The following PCDHGA3 variants were observed in gnomAD, a reference collection of about 807,000 sequenced individuals.
PCDHGA3 encodes the protein protocadherin gamma-A3.
A neutral mutation model predicts 58.5 loss-of-function variants in PCDHGA3; 40 were observed. The observed-to-expected ratio is 0.68, with a 90% CI of 0.53 to 0.89. The LOEUF is 0.89. Among genes scored for constraint, PCDHGA3 ranks in the 40% least tolerant of loss-of-function variants. The pLI is 0.00. For missense variants in PCDHGA3, 1,223 were observed against 1,195.9 expected (o/e 1.02, Z -0.33); for synonymous variants, 530 against 525.7 (o/e 1.01, Z -0.11).
chr5:141,365,266 C>A, intron 1 of PCDHGA3: 2 of 1,613,938 alleles, frequency 1.2e-6, no homozygotes, highest in African/African-American at 2.7e-5. Context: ...ATGAAGAATC[C>A]AGATTCTACC....
chr5:141,364,757 A>G, intron 1 of PCDHGA3: 4 of 1,613,960 alleles, frequency 2.5e-6, no homozygotes, highest in Non-Finnish European at 3.4e-6. Flanking sequence ...AGTAAAAGTT[A>G]ATGAAAATGC....
chr5:141,399,078 G>C (rs2093750242), intron 1 of PCDHGA3: 1 of 1,613,746 alleles, frequency 6.2e-7, no homozygotes, highest in African/African-American at 1.3e-5. Context: ...TTGTAGAAGG[G>C]AGGGATGGTG....
chr5:141,404,001 C>T, intron 1 of PCDHGA3: 8 of 1,613,870 alleles, frequency 5.0e-6, no homozygotes, highest in South Asian at 1.1e-5. Context: ...GTGACCATTA[C>T]ATCTCTGTTT....
chr5:141,478,607 A>T (rs892000536), intron 1 of PCDHGA3: 1 of 1,560,800 alleles, frequency 6.4e-7, no homozygotes, highest in Non-Finnish European at 8.7e-7. Context: ...CATCATATTG[A>T]GGAAGGAATG....
rs568542355 is a variant in PCDHGA3, at chr5:141,431,678, T to C, written c.2425-63129T>C. 4 of 1,614,084 alleles carry C rather than the reference T, an allele frequency of 2.5e-6. No individual in the cohort carries two copies. Among genetic ancestry groups the C allele is most frequent in the African/African-American group, 2.7e-5 (2 of 75,012 alleles). ...AGGGACAATATCAACAATAGGGGAG[T>C]TGGACCACGAGGAGTCAGGATTCTA... On this transcript the variant is annotated intron_variant, in intron 1 of 3. Transcript: ENST00000253812. The surrounding 1 kb of genome is among the most constrained non-coding windows in gnomAD (Gnocchi z 4.8).
intron 1 of PCDHGA3, chr5:141,423,461 A>G (rs1590478217): frequency 6.2e-7 from 1 of 1,613,982 alleles, no homozygotes; most frequent in Non-Finnish European, 8.5e-7. Context: ...GTAGGCGTGG[A>G]CGGGGTACAG....
intron 1 of PCDHGA3, among the ~76,000 whole-genome samples, chr5:141,472,310 G>A (rs2099276586): frequency 6.6e-6 from 1 of 152,040 alleles, no homozygotes; most frequent in Non-Finnish European, 1.5e-5. Flanking sequence ...GGGAAGCCGA[G>A]GCAGGCAGAT....
At chr5:141,418,603 G>C in intron 1 of PCDHGA3, 1 of 1,614,020 alleles carries the variant, frequency 6.2e-7, no homozygotes, top group Non-Finnish European at 8.5e-7. Context: ...ACGTGTACAG[G>C]GTTAGCCTTC....
At chr5:141,474,965 A>T (rs1268347441) in intron 1 of PCDHGA3, among the ~76,000 whole-genome samples, 1 of 152,236 alleles carries the variant, frequency 6.6e-6, no homozygotes, top group Non-Finnish European at 1.5e-5. Context: ...TATCCTAATC[A>T]TTATAATTTT....
At chr5:141,361,233 C>T (rs1266504186) in intron 1 of PCDHGA3, 5 of 1,613,834 alleles carry the variant, frequency 3.1e-6, no homozygotes, top group Non-Finnish European at 4.2e-6. Context: ...GAACAGTGAT[C>T]GCCTTGATAA....
At position 141,389,253 on chromosome 5, in the gene PCDHGA3, G is replaced by T. The variant is rs998614321; in HGVS notation, c.2424+42796G>T. The stretch of plus-strand genomic sequence containing the variant: ...GGTTTTCTCACAGTCTTCCTATATA[G>T]TCCACGTGGCCGAGAACAACCCGCC... On this transcript the variant is annotated intron_variant, in intron 1 of 3. Transcript: ENST00000253812. 1.9e-6 allele frequency: 3 copies of T among 1,613,892 alleles called. No homozygotes were observed. The highest frequency in any genetic ancestry group is 2.5e-6 in the Non-Finnish European group (3 of 1,179,902).
chr5:141,354,185 T>C (rs943289556), intron 1 of PCDHGA3, among the ~76,000 whole-genome samples: 2 of 152,268 alleles, frequency 1.3e-5, no homozygotes, highest in African/African-American at 2.4e-5. Context: ...ATCTGCACTT[T>C]ATAGTTATTC....
intron 1 of PCDHGA3, among the ~76,000 whole-genome samples, chr5:141,457,687 G>A (rs2098927754): frequency 6.6e-6 from 1 of 152,198 alleles, no homozygotes; most frequent in Admixed American, 6.5e-5. Context: ...TAGGACTTTT[G>A]GATTGGCTTT....
intron 1 of PCDHGA3, chr5:141,419,043 ATTC>A (rs560207463): frequency 6.2e-5 from 100 of 1,613,840 alleles, no homozygotes; most frequent in Non-Finnish European, 8.1e-5. Context: ...TTTAAGATTC[ATTC>A]TTCTTCTAAT....
At position 141,476,453 on chromosome 5, in the gene PCDHGA3, G is replaced by A. The variant is rs1432113874; in HGVS notation, c.2425-18354G>A. 3 of 1,614,138 alleles carry A rather than the reference G, an allele frequency of 1.9e-6. No individual in the cohort carries two copies. The East Asian group carries it at 6.7e-5, about 36-fold the overall frequency. ...CACTGTAACTCTGGAGTTGGTAGTG[G>A]AGAACCCGCTGGAGCTGTTCAGCGT... On this transcript the variant is annotated intron_variant, in intron 1 of 3. Transcript: ENST00000253812. The surrounding 1 kb of genome is among the most constrained non-coding windows in gnomAD (Gnocchi z 7.6).
intron 1 of PCDHGA3, chr5:141,372,315 C>A (rs1444112616): frequency 6.2e-7 from 1 of 1,613,564 alleles, no homozygotes; most frequent in Non-Finnish European, 8.5e-7. Context: ...CGCCCGCCAG[C>A]GCCTGCTGGT....
chr5:141,421,597 AT>A (rs2096587022), intron 1 of PCDHGA3: 1 of 1,613,878 alleles, frequency 6.2e-7, no homozygotes, highest in Non-Finnish European at 8.5e-7. Flanking sequence ...GGAGGTGGAA[AT>A]AATAGATATT....
chr5:141,478,013 C>G (rs768425714), intron 1 of PCDHGA3: 6 of 1,614,136 alleles, frequency 3.7e-6, no homozygotes. Flanking sequence ...TACTGCCCGT[C>G]CAGTCCAAGA....
chr5:141,362,108 C>A, intron 1 of PCDHGA3: 4 of 1,613,972 alleles, frequency 2.5e-6, no homozygotes, highest in Non-Finnish European at 3.4e-6. Context: ...TCCGCTACGG[C>A]CACGCTGCAC....
Sources: gnomAD v4.1 joint callset for allele counts (sites outside exome capture counted in the v4.1 genomes callset) on GRCh38, gnomAD v4.1.1 for gene constraint, Gnocchi (gnomAD v3.1) non-coding constraint, MANE v1.5 for transcripts, NCBI Gene and HGNC (gene_info 2026-07-23, HGNC 2026-07-21) for gene names.